The following GMDS variants were observed in gnomAD, a reference collection of about 807,000 sequenced individuals.
The protein encoded by GMDS is GDP-mannose 4,6-dehydratase, also known as GDP-mannose 4,6 dehydratase.
Under a neutral mutation model 49.9 loss-of-function variants are expected in GMDS, and 20 were observed. The ratio of observed to expected loss-of-function variants is 0.40; its 90% CI spans 0.28 to 0.58. The LOEUF is 0.58. GMDS is among the 20% of genes least tolerant of loss of function. The pLI is 0.42. For synonymous variants in GMDS, 177 were observed against 178.6 expected, an observed-to-expected ratio of 0.99 and a Z score of 0.07; for missense variants, 362 against 481.4, an observed-to-expected ratio of 0.75 and a Z score of 2.32.
intron 9 of GMDS, among the ~76,000 whole-genome samples, chr6:1,684,496 A>G (rs1221964525): frequency 6.6e-6 from 1 of 152,210 alleles, no homozygotes; most frequent in Non-Finnish European, 1.5e-5. Context: ...ACACGAACGA[A>G]GACTATGAAA....
At chr6:1,752,643 C>A (rs571310413) in intron 7 of GMDS, among the ~76,000 whole-genome samples, 3 of 152,154 alleles carry the variant, frequency 2.0e-5, no homozygotes, top group Non-Finnish European at 4.4e-5. Context: ...AGAGAAAGGT[C>A]GGGTTACTCA....
chr6:2,039,992 T>C (rs6938640), intron 4 of GMDS, among the ~76,000 whole-genome samples: 105,171 of 152,104 alleles, frequency 0.69, 36,538 homozygotes, highest in Middle Eastern at 0.74. Context: ...CTGCGTAACA[T>C]GTTGTGCTAC....
At chr6:1,873,695 A>G (rs1440806558) in intron 7 of GMDS, among the ~76,000 whole-genome samples, 1 of 152,250 alleles carries the variant, frequency 6.6e-6, no homozygotes, top group African/African-American at 2.4e-5. Context: ...TAAATTTTTA[A>G]GCAGTAAAGA....
rs534425308 is a variant in GMDS, at chr6:2,016,595, C to T, written c.346-55629G>A. On this transcript the variant is annotated intron_variant, in intron 4 of 10. Transcript: ENST00000380815. ...CTATCAACTAACTTGAACTAATGGA[C>T]GATTAATGAACACTATATCTAAGAG... Among the ~76,000 whole-genome samples, 41 of 152,196 alleles carry T rather than the reference C, an allele frequency of 2.7e-4. 1 individual carries two copies. Among genetic ancestry groups the T allele is most frequent in the Admixed American group, 2.2e-3 (34 of 15,292 alleles).
chr6:2,101,578 A>G (rs1033831247), intron 4 of GMDS, among the ~76,000 whole-genome samples: 6 of 152,070 alleles, frequency 3.9e-5, no homozygotes, highest in African/African-American at 1.4e-4. Flanking sequence ...GAGAGAAAGT[A>G]TATCAAATCT....
intron 9 of GMDS, among the ~76,000 whole-genome samples, chr6:1,696,813 G>A (rs1281999404): frequency 6.6e-6 from 1 of 152,254 alleles, no homozygotes; most frequent in Non-Finnish European, 1.5e-5. Context: ...AGGGACGTGA[G>A]TGGCTGGAAA....
In GMDS at chr6:1,778,304, A is replaced by G. The variant is rs1768924170; in HGVS notation, c.772-35718T>C. On this transcript the variant is annotated intron_variant, in intron 7 of 10. Coordinates refer to ENST00000380815, the MANE Select transcript of GMDS (RefSeq NM_001500.4). The surrounding 1 kb of genome is among the most constrained non-coding windows in gnomAD (Gnocchi z 4.6). ...CCCCTAGGTCAAAAGAGCAAATGCA[A>G]AAGTGACAATGTGGATAATTGCCTG... 6.6e-6 allele frequency among the ~76,000 whole-genome samples: 1 copy of G among 152,324 alleles called. No homozygotes were observed. The highest frequency in any genetic ancestry group is 2.4e-5 in the African/African-American group (1 of 41,578).
chr6:2,030,228 G>C (rs1045926008), intron 4 of GMDS, among the ~76,000 whole-genome samples: 1 of 152,184 alleles, frequency 6.6e-6, no homozygotes, highest in Non-Finnish European at 1.5e-5. Flanking sequence ...ATTAAAAGTG[G>C]ACAAAGATAA....
chr6:1,684,165 C>A (rs1446554078), intron 9 of GMDS, among the ~76,000 whole-genome samples: 1 of 152,100 alleles, frequency 6.6e-6, no homozygotes, highest in Non-Finnish European at 1.5e-5. Context: ...GTGGGAGTCA[C>A]AGAAGTAGTG....
chr6:1,686,440 G>C (rs1353263958), intron 9 of GMDS, among the ~76,000 whole-genome samples: 1 of 152,216 alleles, frequency 6.6e-6, no homozygotes, highest in East Asian at 1.9e-4. Flanking sequence ...TGATGAGTGA[G>C]TGTCACTGGG....
chr6:2,065,049 G>A (rs1245158239), intron 4 of GMDS, among the ~76,000 whole-genome samples: 1 of 152,052 alleles, frequency 6.6e-6, no homozygotes, highest in African/African-American at 2.4e-5. Flanking sequence ...GAGAGCAGTG[G>A]TTCTCCCAGC....
chr6:1,730,850 G>C (rs1010852000), intron 8 of GMDS, among the ~76,000 whole-genome samples: 1 of 151,968 alleles, frequency 6.6e-6, no homozygotes, highest in African/African-American at 2.4e-5. Flanking sequence ...AGAAAACCAA[G>C]TATTACGAGA....
chr6:2,073,742 C>T (rs1772153092), intron 4 of GMDS, among the ~76,000 whole-genome samples: 1 of 152,174 alleles, frequency 6.6e-6, no homozygotes, highest in African/African-American at 2.4e-5. Context: ...TTAGCTCACA[C>T]ATATCAGTGA....
chr6:2,085,939 C>A (rs1027651223), intron 4 of GMDS, among the ~76,000 whole-genome samples: 2 of 152,278 alleles, frequency 1.3e-5, no homozygotes, highest in Non-Finnish European at 2.9e-5. Context: ...TATAAAAATT[C>A]TCTGAGCTTA....
chr6:2,082,130 A>G (rs564772253), intron 4 of GMDS, among the ~76,000 whole-genome samples: 1 of 152,302 alleles, frequency 6.6e-6, no homozygotes, highest in African/African-American at 2.4e-5. Context: ...GAAAGTAATG[A>G]GATAAAAGAC....
chr6:2,032,382 A>G (rs1299454092), intron 4 of GMDS, among the ~76,000 whole-genome samples: 3 of 152,206 alleles, frequency 2.0e-5, no homozygotes, highest in Non-Finnish European at 2.9e-5. Flanking sequence ...CAAATCTGCA[A>G]GCCTTCTCAG....
At chr6:1,644,944 T>C (rs571283623) in intron 9 of GMDS, among the ~76,000 whole-genome samples, 2 of 151,786 alleles carry the variant, frequency 1.3e-5, no homozygotes, top group East Asian at 1.9e-4. Context: ...TTTTTTTTTT[T>C]TTTTTAAACG....
chr6:1,697,564 C>T lies in GMDS; in HGVS notation c.987+28852G>A, dbSNP rs897712797. Among the ~76,000 whole-genome samples the T allele has an allele frequency of 5.3e-5, 8 of 152,314 alleles. No individual in the cohort carries two copies. The East Asian group carries it at 1.5e-3, about 29-fold the overall frequency. The stretch of plus-strand genomic sequence containing the variant: ...CGCGCTGCAGCCTCATGTTCTGAAC[C>T]AATGGTTCTCAAAGTATGGTCCCCA... On this transcript the variant is annotated intron_variant, in intron 9 of 10. Transcript: ENST00000380815.
intron 7 of GMDS, among the ~76,000 whole-genome samples, chr6:1,901,210 C>A (rs1462602116): frequency 2.0e-5 from 3 of 152,200 alleles, no homozygotes; most frequent in Admixed American, 2.0e-4. Context: ...GCCCAATATT[C>A]CGGGCTACAG....
Sources: gnomAD v4.1 joint callset for allele counts (sites outside exome capture counted in the v4.1 genomes callset) on GRCh38, gnomAD v4.1.1 for gene constraint, Gnocchi (gnomAD v3.1) non-coding constraint, MANE v1.5 for transcripts, NCBI Gene and HGNC (gene_info 2026-07-23, HGNC 2026-07-21) for gene names.